MCPH1: variants seen among roughly 807,000 people sequenced by gnomAD.
MCPH1 encodes the protein microcephalin.
MCPH1 carries 104 observed loss-of-function variants against 84.5 expected under a neutral mutation model. The ratio of observed to expected loss-of-function variants is 1.23; its 90% confidence interval spans 1.05 to 1.45. The LOEUF is 1.45. Among genes scored for constraint, MCPH1 ranks in the 40% most tolerant of loss-of-function variants. The pLI is 0.00. For synonymous variants in MCPH1, 514 were observed against 366.8 expected (o/e 1.40, Z -4.58); for missense variants, 1,498 against 1,005.7 (o/e 1.49, Z -6.62).
At chr8:6,610,160 G>C (rs1830140828) in intron 12 of MCPH1, among the ~76,000 whole-genome samples, 1 of 152,290 alleles carries the variant, frequency 6.6e-6, no homozygotes. Flanking sequence ...TTGTCAGACT[G>C]TTAAATGCTC....
At chr8:6,526,958 G>A (rs1207656168) in intron 12 of MCPH1, among the ~76,000 whole-genome samples, 3 of 151,848 alleles carry the variant, frequency 2.0e-5, no homozygotes, top group African/African-American at 4.8e-5. Context: ...AATATTTTTG[G>A]TTTTACTTTA....
At chr8:6,640,954 T>C (rs1797899881) in intron 13 of MCPH1, among the ~76,000 whole-genome samples, 1 of 152,216 alleles carries the variant, frequency 6.6e-6, no homozygotes, top group Admixed American at 6.5e-5. Context: ...GGTGTGTTTC[T>C]GGTTATTCTC....
Position 6,621,439 on chromosome 8 carries a change from C to T in MCPH1, c.2215-15C>T, listed in dbSNP as rs11137040. ...TGGTCCCACCTCTGTAATTCTATCT[C>T]TGTCTGCCCCACAGCTGTGCCGAAG... On this transcript the variant is annotated splice_polypyrimidine_tract_variant and intron_variant, in intron 12 of 13. Coordinates refer to ENST00000344683, the MANE Select transcript of MCPH1 (RefSeq NM_024596.5). 7.4e-6 allele frequency: 12 copies of T among 1,613,136 alleles called. No individual in the cohort carries two copies. The highest frequency in any genetic ancestry group is 1.0e-5 in the Non-Finnish European group (12 of 1,179,554).
At chr8:6,453,467 T>C (rs965417425) in intron 8 of MCPH1, among the ~76,000 whole-genome samples, 3 of 152,182 alleles carry the variant, frequency 2.0e-5, no homozygotes, top group African/African-American at 4.8e-5. Context: ...ACTTTATGTT[T>C]ATAAAATGCT....
chr8:6,464,935 G>C (rs990477169), intron 9 of MCPH1, among the ~76,000 whole-genome samples: 2 of 151,880 alleles, frequency 1.3e-5, no homozygotes, highest in Non-Finnish European at 2.9e-5. Context: ...GGAGGTAGAG[G>C]TTGCAGTGAG....
rs565029038 is a variant in MCPH1, at chr8:6,644,725, C to G, written c.*1676C>G. On this transcript the variant is annotated 3_prime_UTR_variant, in exon 14 of 14. Transcript: ENST00000344683. ...TGAGCCCTCATCGTGGTGCCGTTCC[C>G]GCTCTGGGTTATTTATCTGTTGCTC... 1 of 152,174 alleles carries G rather than the reference C, an allele frequency of 6.6e-6. No homozygotes were observed. Among genetic ancestry groups the G allele is most frequent in the Admixed American group, 6.5e-5 (1 of 15,276 alleles). The allele number at this position is 152,174 out of a possible 1,614,324, so 9.4% of individuals were successfully genotyped here. A position where few individuals can be genotyped will look rare whatever the true frequency, so the allele number is the denominator to read the frequency against.
intron 12 of MCPH1, among the ~76,000 whole-genome samples, chr8:6,597,083 C>G (rs1828987142): frequency 2.0e-5 from 3 of 152,236 alleles, no homozygotes; most frequent in African/African-American, 7.2e-5. Context: ...GCTGGACTCA[C>G]AGCCCTCTGC....
chr8:6,530,201 C>T (rs1300173019), intron 12 of MCPH1, among the ~76,000 whole-genome samples: 1 of 151,930 alleles, frequency 6.6e-6, no homozygotes, highest in African/African-American at 2.4e-5. Context: ...TAGGTTGGTG[C>T]AATTTTGCCA....
intron 13 of MCPH1, among the ~76,000 whole-genome samples, chr8:6,629,395 G>A (rs147174274): frequency 4.6e-5 from 7 of 152,338 alleles, no homozygotes; most frequent in Non-Finnish European, 7.3e-5. Flanking sequence ...ACAAGAGGCG[G>A]AGGCTGCAGT....
At chr8:6,502,916 G>A (rs746318167) in intron 12 of MCPH1, 10 of 641,924 alleles carry the variant, frequency 1.6e-5, no homozygotes, top group African/African-American at 3.7e-5. Context: ...GCTTTGGTCC[G>A]TTAAGTGATG....
intron 3 of MCPH1, among the ~76,000 whole-genome samples, chr8:6,425,819 C>T (rs959190112): frequency 6.6e-6 from 1 of 152,176 alleles, no homozygotes; most frequent in Non-Finnish European, 1.5e-5. Flanking sequence ...TGGTGTGAGG[C>T]TTCTCATGAG....
chr8:6,434,292 G>A (rs1044324347), intron 4 of MCPH1, among the ~76,000 whole-genome samples: 1 of 152,180 alleles, frequency 6.6e-6, no homozygotes, highest in African/African-American at 2.4e-5. Flanking sequence ...CTTGTATACT[G>A]CTGACCCTGA....
chr8:6,492,319 G>A (rs749256705), intron 11 of MCPH1, among the ~76,000 whole-genome samples: 1 of 152,022 alleles, frequency 6.6e-6, no homozygotes, highest in Admixed American at 6.6e-5. Context: ...CTTGTTGATG[G>A]GGTTGTTTTT....
At chr8:6,531,409 C>G (rs1009809159) in intron 12 of MCPH1, among the ~76,000 whole-genome samples, 3 of 151,960 alleles carry the variant, frequency 2.0e-5, no homozygotes, top group African/African-American at 7.3e-5. Context: ...CTGCCTCAGC[C>G]TCCCAAGTAG....
intron 8 of MCPH1, among the ~76,000 whole-genome samples, chr8:6,451,086 C>CATAT: frequency 6.6e-6 from 1 of 152,268 alleles, no homozygotes; most frequent in Non-Finnish European, 1.5e-5. Context: ...AATAGATAGA[C>CATAT]ATATATTCAT....
chr8:6,563,546 C>G (rs1051441426), intron 12 of MCPH1: 3 of 152,198 alleles, frequency 2.0e-5, no homozygotes, highest in Non-Finnish European at 4.4e-5. Flanking sequence ...TTTTGCCGTG[C>G]TAAGCTGGCA....
chr8:6,500,089 G>A (rs567959596), intron 12 of MCPH1, 160 bp downstream of exon 12: 27 of 677,266 alleles, frequency 4.0e-5, no homozygotes, highest in African/African-American at 1.4e-4. Flanking sequence ...CAATTTATTC[G>A]CGAGAACAAA....
chr8:6,592,820 A>ATTTTTT (rs67091563), intron 12 of MCPH1, among the ~76,000 whole-genome samples: 1 of 134,308 alleles, frequency 7.4e-6, no homozygotes, highest in Non-Finnish European at 1.6e-5. Context: ...ACACCTGGCA[A>ATTTTTT]TTTTTTTTTT....
At chr8:6,627,648 T>C (rs983846236) in intron 13 of MCPH1, among the ~76,000 whole-genome samples, 2 of 152,186 alleles carry the variant, frequency 1.3e-5, no homozygotes, top group African/African-American at 4.8e-5. Context: ...CCCAGCACTT[T>C]AGGAGGCCGA....
Sources: gnomAD v4.1 joint callset for allele counts (sites outside exome capture counted in the v4.1 genomes callset) on GRCh38, gnomAD v4.1.1 for gene constraint, MANE v1.5 for transcripts, NCBI Gene and HGNC (gene_info 2026-07-23, HGNC 2026-07-21) for gene names.